The following MOB3B variants were observed in gnomAD, a reference collection of about 807,000 sequenced individuals.
MOB3B encodes the protein MOB kinase activator-like 2B.
MOB3B carries 7 observed loss-of-function variants against 18.7 expected under a neutral mutation model. The ratio of observed to expected loss-of-function variants is 0.37; its 90% CI spans 0.21 to 0.70. The LOEUF is 0.70. MOB3B is among the 30% of genes least tolerant of loss of function. The pLI, the probability that MOB3B is intolerant of heterozygous loss-of-function variation, is 0.52. For synonymous variants in MOB3B, 111 were observed against 99.9 expected (o/e 1.11, Z -0.66); for missense variants, 253 against 281.3 (o/e 0.90, Z 0.72).
At chr9:27,390,319 C>T (rs10967920) in intron 2 of MOB3B, among the ~76,000 whole-genome samples, 53,745 of 151,666 alleles carry the variant, frequency 0.35, 10,053 homozygotes, top group Non-Finnish European at 0.42. Context: ...GGGCGATCTC[C>T]GCTCACTGCC....
intron 3 of MOB3B, among the ~76,000 whole-genome samples, chr9:27,343,058 A>C (rs1428037397): frequency 1.3e-5 from 2 of 152,012 alleles, no homozygotes; most frequent in African/African-American, 2.4e-5. Context: ...AATGTGGGGA[A>C]AAGAGATCAG....
At chr9:27,369,903 A>G (rs76726155) in intron 2 of MOB3B, among the ~76,000 whole-genome samples, 2,223 of 149,556 alleles carry the variant, frequency 0.015, 54 homozygotes, top group African/African-American at 0.051. Context: ...TGCTTCTTCC[A>G]TGACAATACT....
intron 1 of MOB3B, among the ~76,000 whole-genome samples, chr9:27,489,323 A>G (rs190334165): frequency 6.6e-6 from 1 of 152,340 alleles, no homozygotes; most frequent in Admixed American, 6.5e-5. Flanking sequence ...TGAAAGCAGC[A>G]GGTGTCTCTG....
At chr9:27,492,601 C>T (rs934389573) in intron 1 of MOB3B, among the ~76,000 whole-genome samples, 8 of 152,198 alleles carry the variant, frequency 5.3e-5, no homozygotes, top group African/African-American at 1.9e-4. Context: ...ACCAAAACTG[C>T]ATCTGGGAAC....
intron 2 of MOB3B, among the ~76,000 whole-genome samples, chr9:27,446,522 G>A (rs1822694798): frequency 6.6e-6 from 1 of 152,148 alleles, no homozygotes; most frequent in Non-Finnish European, 1.5e-5. Context: ...CCAAGCTATA[G>A]CAAAAGATGA....
At chr9:27,404,271 C>G (rs1176517912) in intron 2 of MOB3B, among the ~76,000 whole-genome samples, 2 of 147,386 alleles carry the variant, frequency 1.4e-5, no homozygotes, top group African/African-American at 2.5e-5. Flanking sequence ...GGATTTCATT[C>G]TTTTATATGG....
At position 27,326,281 on chromosome 9, in the gene MOB3B, C is replaced by T; in HGVS notation, c.*4306G>A. The T allele has an allele frequency of 5.1e-6, 2 of 392,784 alleles. No individual in the cohort carries two copies. Among genetic ancestry groups the T allele is most frequent in the East Asian group, 3.6e-5 (1 of 27,762 alleles). 24.3% of individuals were successfully genotyped at this position (392,784 alleles called of 1,614,324 possible). ...AGTGGTCAACAATGGAGCAACAAGA[C>T]TCCGTAGAGGATGCCACCCTGGGAG... On this transcript the variant is annotated 3_prime_UTR_variant, in exon 4 of 4. Coordinates refer to ENST00000262244, the MANE Select transcript of MOB3B (RefSeq NM_024761.5).
rs71492749 is a variant in MOB3B at position 27,506,832 on chromosome 9, A to ATTT, written c.-199+22720_-199+22722dup. 3.4e-3 allele frequency among the ~76,000 whole-genome samples: 409 copies of ATTT among 120,470 alleles called. 3 individuals are homozygous for ATTT. Among genetic ancestry groups the ATTT allele is most frequent in the African/African-American group, 0.012 (378 of 32,396 alleles). The allele number at this position is 120,470 out of a possible 152,430, so 79.0% of individuals were successfully genotyped here. ...GGCGTGAGCCACCACACCCCGGCTA[A>ATTT]TTTTTTTTTTTTTTTTTTTTTGTAT... On this transcript the variant is annotated intron_variant, in intron 1 of 3. Transcript: ENST00000262244.
At chr9:27,403,585 C>T (rs543985761) in intron 2 of MOB3B, among the ~76,000 whole-genome samples, 3 of 130,724 alleles carry the variant, frequency 2.3e-5, no homozygotes, top group East Asian at 2.5e-4. Flanking sequence ...CAGGCTAGAG[C>T]GCAATGGTGC....
chr9:27,409,616 A>G (rs1240423000), intron 2 of MOB3B, among the ~76,000 whole-genome samples: 2 of 152,212 alleles, frequency 1.3e-5, no homozygotes, highest in African/African-American at 4.8e-5. Flanking sequence ...CAAGGACTCA[A>G]ATAGACACTT....
chr9:27,434,282 C>A (rs1352499023), intron 2 of MOB3B, among the ~76,000 whole-genome samples: 2 of 152,092 alleles, frequency 1.3e-5, no homozygotes, highest in African/African-American at 4.8e-5. Context: ...AATCTTTCAA[C>A]CCCCTCCTCT....
rs780609255 is a variant in MOB3B, at chr9:27,359,118, C to T, written c.537G>A (p.Glu179=). Residue 179 remains glutamate (E), a synonymous_variant, in exon 3 of 4, where the codon GAG becomes GAA. Coordinates refer to ENST00000262244, the MANE Select transcript of MOB3B (RefSeq NM_024761.5). ...HFDRVIVMGA[E]AHVNTCYKHF... ...GTTTGTAGCAGGTGTTGACATGGGC[C>T]TCTGCACCCATCACAATGACCCGGT... is the stretch of plus-strand genomic sequence containing the variant. The T allele has an allele frequency of 1.2e-6, 2 of 1,613,866 alleles. No individual in the cohort carries two copies. The highest frequency in any genetic ancestry group is 2.7e-5 in the African/African-American group (2 of 74,842).
intron 2 of MOB3B, among the ~76,000 whole-genome samples, chr9:27,404,610 G>C (rs139893642): frequency 6.6e-6 from 1 of 151,880 alleles, no homozygotes; most frequent in African/African-American, 2.4e-5. Flanking sequence ...CACCCGCCTT[G>C]GCCTCCCAAA....
intron 3 of MOB3B, among the ~76,000 whole-genome samples, chr9:27,352,022 T>C (rs77799687): frequency 0.065 from 9,838 of 152,126 alleles, 389 homozygotes; most frequent in African/African-American, 0.097. Flanking sequence ...TGTGACAAAA[T>C]GGCAGTGATA....
intron 2 of MOB3B, among the ~76,000 whole-genome samples, chr9:27,437,881 T>C (rs1822536417): frequency 6.6e-6 from 1 of 152,194 alleles, no homozygotes; most frequent in Non-Finnish European, 1.5e-5. Flanking sequence ...ATAATGACTT[T>C]GCTAAATCCT....
intron 3 of MOB3B, among the ~76,000 whole-genome samples, chr9:27,346,968 C>G (rs1365000137): frequency 6.6e-6 from 1 of 151,820 alleles, no homozygotes; most frequent in African/African-American, 2.4e-5. Context: ...TGCACTCCAG[C>G]CTGGGTAACA....
chr9:27,498,547 G>A (rs1353835725), intron 1 of MOB3B, among the ~76,000 whole-genome samples: 1 of 152,188 alleles, frequency 6.6e-6, no homozygotes, highest in African/African-American at 2.4e-5. Context: ...GAAGTTCAAG[G>A]TAGCAGTACC....
chr9:27,476,646 C>T (rs1489012734), intron 1 of MOB3B, among the ~76,000 whole-genome samples: 1 of 152,142 alleles, frequency 6.6e-6, no homozygotes, highest in African/African-American at 2.4e-5. Context: ...TAATTCAACC[C>T]CAAAACAACT....
chr9:27,496,983 A>G (rs1819912613), intron 1 of MOB3B, among the ~76,000 whole-genome samples: 1 of 152,212 alleles, frequency 6.6e-6, no homozygotes, highest in African/African-American at 2.4e-5. Flanking sequence ...CTTTTCCCAA[A>G]CATTTTCAAA....
Sources: gnomAD v4.1 joint callset for allele counts (sites outside exome capture counted in the v4.1 genomes callset) on GRCh38, gnomAD v4.1.1 for gene constraint, MANE v1.5 for transcripts, NCBI Gene and HGNC (gene_info 2026-07-23, HGNC 2026-07-21) for gene names.